ATG10: variants seen among roughly 807,000 people sequenced by gnomAD.
ATG10 encodes autophagy related 10, also known as ubiquitin-like-conjugating enzyme ATG10.
A neutral mutation model predicts 32.1 loss-of-function variants in ATG10; 30 were observed. The ratio of observed to expected loss-of-function variants is 0.94; its 90% CI spans 0.70 to 1.27. ATG10 has a LOEUF of 1.27. Among genes scored for constraint, ATG10 ranks in the 50% most tolerant of loss-of-function variants. ATG10 has a pLI of 0.00. For synonymous variants in ATG10, 87 were observed against 91.5 expected (o/e 0.95, Z 0.28); for missense variants, 233 against 262.3 (o/e 0.89, Z 0.77).
chr5:82,200,550 A>C (rs541030188), intron 5 of ATG10, among the ~76,000 whole-genome samples: 2 of 127,092 alleles, frequency 1.6e-5, no homozygotes, highest in African/African-American at 6.1e-5. Context: ...ATCATAGCTT[A>C]CTGCAGCCTT....
intron 5 of ATG10, among the ~76,000 whole-genome samples, chr5:82,235,352 G>A (rs145733428): frequency 2.2e-4 from 33 of 152,236 alleles, no homozygotes; most frequent in African/African-American, 7.7e-4. Flanking sequence ...ATGGTCCTGG[G>A]ATCACACTGA....
intron 3 of ATG10, among the ~76,000 whole-genome samples, chr5:82,080,622 C>G (rs1315668731): frequency 6.6e-6 from 1 of 152,180 alleles, no homozygotes; most frequent in African/African-American, 2.4e-5. Context: ...AATAGGAAAT[C>G]CTTTCCCCAT....
chr5:81,993,730 C>G (rs1335604172), intron 2 of ATG10, among the ~76,000 whole-genome samples: 2 of 151,884 alleles, frequency 1.3e-5, no homozygotes, highest in Non-Finnish European at 2.9e-5. Context: ...CCAGCCTTAG[C>G]CTGGTTTCTG....
intron 2 of ATG10, among the ~76,000 whole-genome samples, chr5:82,049,314 T>C (rs1055512865): frequency 2.0e-5 from 3 of 147,108 alleles, no homozygotes; most frequent in African/African-American, 5.0e-5. Flanking sequence ...AACCAAACAC[T>C]GCATATTCTC....
chr5:81,984,633 A>G (rs530485815), intron 1 of ATG10, among the ~76,000 whole-genome samples: 1 of 152,242 alleles, frequency 6.6e-6, no homozygotes, highest in Non-Finnish European at 1.5e-5. Context: ...TTATTGCTCA[A>G]TAAGCCACAG....
intron 3 of ATG10, chr5:82,073,124 C>T (rs1402299679): frequency 6.6e-6 from 1 of 152,150 alleles, no homozygotes; most frequent in Non-Finnish European, 1.5e-5. Flanking sequence ...AACCCAATGA[C>T]TTTCAAACTT....
chr5:82,246,705 T>A (rs1747052354), intron 5 of ATG10, among the ~76,000 whole-genome samples: 1 of 152,106 alleles, frequency 6.6e-6, no homozygotes, highest in Non-Finnish European at 1.5e-5. Context: ...ATGTCTTTTT[T>A]AAAAAATTAA....
intron 3 of ATG10, among the ~76,000 whole-genome samples, chr5:82,100,772 G>GTT (rs61096885): frequency 0.07 from 7,900 of 113,516 alleles, 260 homozygotes; most frequent in Non-Finnish European, 0.096. Context: ...ACAAGAACTA[G>GTT]TTTTTTTTTT....
chr5:82,170,458 G>A (rs907304264), intron 4 of ATG10, among the ~76,000 whole-genome samples: 7 of 152,210 alleles, frequency 4.6e-5, no homozygotes, highest in African/African-American at 1.4e-4. Flanking sequence ...AGAAGGCAGA[G>A]ACTGCATTCC....
intron 3 of ATG10, among the ~76,000 whole-genome samples, chr5:82,146,186 C>T (rs975604152): frequency 1.3e-5 from 2 of 152,000 alleles, no homozygotes; most frequent in African/African-American, 4.8e-5. Flanking sequence ...TTCTTTATTT[C>T]ACTTAGATTC....
intron 7 of ATG10, 72 bp downstream of exon 7, chr5:82,253,501 C>T: frequency 9.6e-7 from 1 of 1,040,712 alleles, no homozygotes; most frequent in South Asian, 1.4e-5. Context: ...TAGACTCATC[C>T]CACCAAATGC....
chr5:82,217,180 A>G (rs1423103496), intron 5 of ATG10, among the ~76,000 whole-genome samples: 1 of 152,184 alleles, frequency 6.6e-6, no homozygotes, highest in Non-Finnish European at 1.5e-5. Flanking sequence ...TGGGAAGATC[A>G]TGAGTTTTGC....
At chr5:82,015,792 G>A (rs560360725) in intron 2 of ATG10, among the ~76,000 whole-genome samples, 1 of 152,316 alleles carries the variant, frequency 6.6e-6, no homozygotes, top group Admixed American at 6.5e-5. Flanking sequence ...TTAGCTCAGA[G>A]AAGTTTGATC....
intron 5 of ATG10, among the ~76,000 whole-genome samples, chr5:82,237,154 CA>C (rs1195288155): frequency 6.6e-6 from 1 of 152,070 alleles, no homozygotes; most frequent in African/African-American, 2.4e-5. Context: ...CAAAAATAGG[CA>C]ATTTTTCTTC....
At chr5:82,239,002 C>T (rs753759573) in intron 5 of ATG10, among the ~76,000 whole-genome samples, 29 of 152,146 alleles carry the variant, frequency 1.9e-4, no homozygotes, top group Non-Finnish European at 1.3e-4. Flanking sequence ...GAATATATTG[C>T]ATATTTGACA....
At chr5:82,116,977 G>A (rs1433279463) in intron 3 of ATG10, among the ~76,000 whole-genome samples, 1 of 152,030 alleles carries the variant, frequency 6.6e-6, no homozygotes, top group Non-Finnish European at 1.5e-5. Flanking sequence ...GTAGTCAAAA[G>A]CAACAGGCTC....
chr5:82,183,191 G>A (rs1744301452), intron 5 of ATG10, among the ~76,000 whole-genome samples: 4 of 151,858 alleles, frequency 2.6e-5, no homozygotes, highest in Admixed American at 2.6e-4. Context: ...CATTAAATAA[G>A]CAATTAATGT....
chr5:82,118,387 C>CAT lies in ATG10; in HGVS notation c.217-45995_217-45994dup, dbSNP rs71605823. Among the ~76,000 whole-genome samples the CAT allele has an allele frequency of 9.7e-3, 779 of 80,652 alleles. 55 individuals are homozygous for CAT. The highest frequency in any genetic ancestry group is 0.028 in the African/African-American group (514 of 18,224). 52.9% of individuals were successfully genotyped at this position (80,652 alleles called of 152,430 possible). On this transcript the variant is annotated intron_variant, in intron 3 of 7. Transcript: ENST00000282185. ...TACAAATATACATATAATATATGTA[C>CAT]ATATATATATATATATATGTATGTA... is the stretch of plus-strand genomic sequence containing the variant.
At chr5:82,188,436 T>A (rs1167593307) in intron 5 of ATG10, among the ~76,000 whole-genome samples, 1 of 152,190 alleles carries the variant, frequency 6.6e-6, no homozygotes, top group African/African-American at 2.4e-5. Context: ...AGCTTATCAA[T>A]ACAAAAATAA....
Sources: allele counts gnomAD v4.1 joint callset (sites outside exome capture counted in the v4.1 genomes callset), GRCh38; gene constraint gnomAD v4.1.1; transcripts MANE v1.5; gene names NCBI Gene and HGNC (gene_info 2026-07-23, HGNC 2026-07-21).